WBP2: variants seen among roughly 807,000 people sequenced by gnomAD.
The protein encoded by WBP2 is WW domain-binding protein 2.
WBP2 carries 23 observed loss-of-function variants against 33.0 expected under a neutral mutation model. That is an observed-to-expected ratio of 0.70 (90% CI 0.50 to 0.99). WBP2 has a LOEUF of 0.99. Ranked by LOEUF, WBP2 falls within the 50% of genes least tolerant of loss-of-function variation. WBP2 has a pLI of 0.00. For synonymous variants in WBP2, 153 were observed against 133.5 expected, an observed-to-expected ratio of 1.15 and a Z score of -1.01; for missense variants, 353 against 358.0, an observed-to-expected ratio of 0.99 and a Z score of 0.11.
At chr17:75,855,775 G>A (rs539731724), upstream of WBP2, among the ~76,000 whole-genome samples, 1 of 152,266 alleles carries the variant, frequency 6.6e-6, no homozygotes, top group South Asian at 2.1e-4. Flanking sequence ...TGGGAGCGCC[G>A]AGCTGTCCCC....
In WBP2 at chr17:75,855,277, G is replaced by A; in HGVS notation, c.21C>T (p.His7=). ...TGACGATCACTCCGCCGCCCTCCGAGTGATTCTTGTTGAGCGCCATAGTCT... is the reference window on the plus strand; with the variant it reads ...TGACGATCACTCCGCCGCCCTCCGAATGATTCTTGTTGAGCGCCATAGTCT... MALNKN[H]SEGGGVIVNN... is the part of the protein sequence containing the mutation. The change falls in exon 1 of 8, where the codon CAC becomes CAT. Residue 7 remains histidine, a synonymous_variant. Transcript: ENST00000254806. 6.2e-7 allele frequency: 1 copy of A among 1,612,596 alleles called. No individual in the cohort carries two copies. The highest frequency in any genetic ancestry group is 8.5e-7 in the Non-Finnish European group (1 of 1,179,908).
chr17:75,855,472 T>C (rs1427584646), upstream of WBP2: 3 of 645,730 alleles, frequency 4.6e-6, no homozygotes, highest in African/African-American at 1.8e-5. Flanking sequence ...TCCTTCCAGT[T>C]CCTCCTGCGC....
At chr17:75,848,203 G>T in intron 4 of WBP2, 1 of 594,272 alleles carries the variant, frequency 1.7e-6, no homozygotes, top group Non-Finnish European at 3.0e-6. Context: ...CAGGGCTGGG[G>T]TAGGAGTGAG....
At position 75,847,615 on chromosome 17, in the gene WBP2, C is replaced by G. The variant is rs140112945; in HGVS notation, c.533-6G>C. 1 of 1,612,890 alleles carries G rather than the reference C, an allele frequency of 6.2e-7. No homozygotes were observed. The highest frequency in any genetic ancestry group is 1.1e-5 in the South Asian group (1 of 91,038). On this transcript the variant is annotated splice_polypyrimidine_tract_variant and splice_region_variant and intron_variant, in intron 5 of 7. Transcript: ENST00000254806. Reference sequence around the variant, plus strand: ...GGGGGGTCCTGGATAGAACTCTGCTCGGTGAGAGAGTAACAAGGACATGGT... The same window carrying G: ...GGGGGGTCCTGGATAGAACTCTGCTGGGTGAGAGAGTAACAAGGACATGGT...
chr17:75,849,776 G>A, intron 2 of WBP2, 37 bp from the exon 3 acceptor site: 1 of 1,609,208 alleles, frequency 6.2e-7, no homozygotes, highest in Non-Finnish European at 8.5e-7. Flanking sequence ...AGTACTAGAA[G>A]CACAGCCCAC....
In WBP2 at chr17:75,846,765, T is replaced by C. The variant is rs1261413186; in HGVS notation, c.755A>G (p.Tyr252Cys). 1.3e-6 allele frequency: 2 copies of C among 1,545,778 alleles called. No homozygotes were observed. The highest frequency in any genetic ancestry group is 2.5e-5 in the South Asian group (2 of 80,722). Residue 252 changes from tyrosine to cysteine, a missense_variant, in exon 8 of 8, where the codon TAC (tyrosine) becomes TGC (cysteine). Physicochemically the swap from Tyr to Cys is radical, Grantham distance 194. Coordinates refer to ENST00000254806, the MANE Select transcript of WBP2 (RefSeq NM_012478.4). The surrounding 1 kb of genome is among the most constrained non-coding windows in gnomAD (Gnocchi z 4.8). ...MPTSQPPPPP[Y>C]YPPEDKKTQ Reference sequence around the variant, plus strand: ...GGTCTTCTTATCTTCCGGTGGGTAGTAGGGAGGTGGCGGCGGCTGGCTCTA... The same window carrying C: ...GGTCTTCTTATCTTCCGGTGGGTAGCAGGGAGGTGGCGGCGGCTGGCTCTA...
chr17:75,849,447 T>C, intron 3 of WBP2, 157 bp downstream of exon 3: 1 of 868,028 alleles, frequency 1.2e-6, no homozygotes, highest in Non-Finnish European at 1.7e-6. Flanking sequence ...CCCCACCTCT[T>C]GGCAATCAAA....
chr17:75,851,522 C>T (rs1194097703), intron 2 of WBP2, 46 bp downstream of exon 2: 1 of 1,475,170 alleles, frequency 6.8e-7, no homozygotes. Flanking sequence ...ACGTCACCTC[C>T]AACAGCAACA....
Position 75,846,583 on chromosome 17 carries a change from TA to T in WBP2, c.*150del. ...GCACCTCTCCCGAGGCCGGGGGCCC[TA>T]ATGTCCCACAATGCTAGTTCCTGGT... On this transcript the variant is annotated 3_prime_UTR_variant, in exon 8 of 8. Coordinates refer to ENST00000254806, the MANE Select transcript of WBP2 (RefSeq NM_012478.4). The surrounding 1 kb of genome is among the most constrained non-coding windows in gnomAD (Gnocchi z 4.8). 9.5e-7 allele frequency: 1 copy of T among 1,056,512 alleles called. No individual in the cohort carries two copies. Among genetic ancestry groups the T allele is most frequent in the Non-Finnish European group, 1.4e-6 (1 of 704,722 alleles). 65.4% of individuals were successfully genotyped at this position (1,056,512 alleles called of 1,614,324 possible). A position where few individuals can be genotyped will look rare whatever the true frequency, so the allele number is the denominator to read the frequency against.
intron 3 of WBP2, chr17:75,849,096 C>T (rs1482181772): frequency 4.1e-6 from 1 of 241,020 alleles, no homozygotes; most frequent in Non-Finnish European, 8.2e-6. Context: ...ACTCCGGCCC[C>T]TCTAGCCTGG....
At chr17:75,855,198 C>G (rs373569954) in intron 1 of WBP2, 41 bp downstream of exon 1, 30 of 1,601,048 alleles carry the variant, frequency 1.9e-5, no homozygotes, top group Non-Finnish European at 2.3e-5. Flanking sequence ...TCCTCGACAC[C>G]CGAACTTTGG....
At chr17:75,850,436 G>A (rs2065021512) in intron 2 of WBP2, among the ~76,000 whole-genome samples, 8 of 152,132 alleles carry the variant, frequency 5.3e-5, no homozygotes, top group African/African-American at 1.9e-4. Flanking sequence ...TAGGAGAGAT[G>A]GGGTTTCACC....
intron 4 of WBP2, chr17:75,848,255 A>G: frequency 1.7e-6 from 1 of 581,544 alleles, no homozygotes; most frequent in East Asian, 2.9e-5. Context: ...GGTCATTTTC[A>G]ATGGCTGCGG....
intron 1 of WBP2, chr17:75,852,361 A>G (rs979080411): frequency 6.6e-6 from 1 of 152,324 alleles, no homozygotes; most frequent in African/African-American, 2.4e-5. Flanking sequence ...AAAGCCCCCA[A>G]ATGATCAACA....
chr17:75,846,653 C>A lies in WBP2; in HGVS notation c.*81G>T. 1 of 1,462,048 alleles carries A rather than the reference C, an allele frequency of 6.8e-7. No homozygotes were observed. The highest frequency in any genetic ancestry group is 2.1e-5 in the Admixed American group (1 of 47,056). 90.6% of individuals were successfully genotyped at this position (1,462,048 alleles called of 1,614,324 possible). A position where few individuals can be genotyped will look rare whatever the true frequency, so the allele number is the denominator to read the frequency against. On this transcript the variant is annotated 3_prime_UTR_variant, in exon 8 of 8. Transcript: ENST00000254806. The surrounding 1 kb of genome is among the most constrained non-coding windows in gnomAD (Gnocchi z 4.8). ...CTGGAGGGAGAACAAGGCGCCCCCT[C>A]CCCTCCCCAAGCCCCAGCACAGCCC...
intron 3 of WBP2, 136 bp from the exon 4 acceptor site, chr17:75,848,798 C>A: frequency 1.4e-6 from 1 of 729,246 alleles, no homozygotes; most frequent in Non-Finnish European, 2.3e-6. Context: ...GTGATGGGGA[C>A]TTCCTGGTGC....
Position 75,846,995 on chromosome 17 carries a change from A to G in WBP2, c.656-11T>C, listed in dbSNP as rs367926203. 14 of 1,613,826 alleles carry G rather than the reference A, an allele frequency of 8.7e-6. No individual in the cohort carries two copies. The highest frequency in any genetic ancestry group is 4.4e-5 in the South Asian group (4 of 91,070). On this transcript the variant is annotated splice_polypyrimidine_tract_variant and intron_variant, in intron 6 of 7. Coordinates refer to ENST00000254806, the MANE Select transcript of WBP2 (RefSeq NM_012478.4). This position sits in a 1 kb window ranked among gnomAD's most constrained non-coding sequence, Gnocchi z 4.8. ...CGGCCTTGGCTTCGGCTGTGAGAGC[A>G]AACACACCTGGTGTCGGTGACAAGT...
rs2064988360 is a variant in WBP2 at position 75,846,107 on chromosome 17, G to A, written c.*627C>T. ...CAAAAGGCAGAAGGGCTTCCTCCCA[G>A]CCTCGGCGGCCCTGCCCCGACGCCA... On this transcript the variant is annotated 3_prime_UTR_variant, in exon 8 of 8. Coordinates refer to ENST00000254806, the MANE Select transcript of WBP2 (RefSeq NM_012478.4). The surrounding 1 kb of genome is among the most constrained non-coding windows in gnomAD (Gnocchi z 4.8). The A allele has an allele frequency of 6.5e-6, 1 of 152,782 alleles. No individual in the cohort carries two copies. The allele number at this position is 152,782 out of a possible 1,614,324, so 9.5% of individuals were successfully genotyped here.
In WBP2 at chr17:75,848,126, G is replaced by C. The variant is rs937806459; in HGVS notation, c.398-196C>G. On this transcript the variant is annotated intron_variant, in intron 4 of 7. Transcript: ENST00000254806. ...GGATGAGAGAGGACGGGAGAGGTCA[G>C]AGCCAGGGGAAGGCAAGGGAGGTCA... 3 of 735,030 alleles carry C rather than the reference G, an allele frequency of 4.1e-6. No individual in the cohort carries two copies. The African/African-American group carries it at 5.3e-5, about 13-fold the overall frequency. 45.5% of individuals were successfully genotyped at this position (735,030 alleles called of 1,614,324 possible). A position where few individuals can be genotyped will look rare whatever the true frequency, so the allele number is the denominator to read the frequency against.
Sources: allele counts gnomAD v4.1 joint callset (sites outside exome capture counted in the v4.1 genomes callset), GRCh38; gene constraint gnomAD v4.1.1; non-coding constraint Gnocchi (gnomAD v3.1); transcripts MANE v1.5; gene names NCBI Gene and HGNC (gene_info 2026-07-23, HGNC 2026-07-21).